EPB41L4B: variants seen among roughly 807,000 people sequenced by gnomAD.
The protein encoded by EPB41L4B is band 4.1-like protein 4B.
A neutral mutation model predicts 112.5 loss-of-function variants in EPB41L4B; 30 were observed. The ratio of observed to expected loss-of-function variants is 0.27; its 90% confidence interval spans 0.20 to 0.36. EPB41L4B has a LOEUF of 0.36. Ranked by LOEUF, EPB41L4B falls within the 10% of genes least tolerant of loss-of-function variation. EPB41L4B has a pLI of 1.00. For synonymous variants in EPB41L4B, 408 were observed against 439.7 expected, an observed-to-expected ratio of 0.93 and a Z score of 0.90; for missense variants, 1,024 against 1,133.3, an observed-to-expected ratio of 0.90 and a Z score of 1.38.
intron 17 of EPB41L4B, among the ~76,000 whole-genome samples, chr9:109,210,393 C>T (rs1833125070): frequency 6.6e-6 from 1 of 152,176 alleles, no homozygotes; most frequent in Non-Finnish European, 1.5e-5. Flanking sequence ...GAATGGTATA[C>T]TGGCATACAG....
Position 109,203,629 on chromosome 9 carries a change from T to C in EPB41L4B, c.1946+34A>G, listed in dbSNP as rs142190955. On this transcript the variant is annotated intron_variant, in intron 19 of 25. Transcript: ENST00000374566. ...AGGATAATGTTGATGATACAGAGAA[T>C]ATCATTTCCCCATTCAGACAAGGAG... The C allele has an allele frequency of 3.8e-3, 5,750 of 1,516,706 alleles. 14 individuals carry two copies. Among genetic ancestry groups the C allele is most frequent in the Middle Eastern group, 7.5e-3 (44 of 5,900 alleles). 94.0% of individuals were successfully genotyped at this position (1,516,706 alleles called of 1,614,324 possible).
intron 16 of EPB41L4B, among the ~76,000 whole-genome samples, chr9:109,216,000 T>C (rs1833353181): frequency 6.6e-6 from 1 of 152,194 alleles, no homozygotes; most frequent in African/African-American, 2.4e-5. Flanking sequence ...CTCTCTATTT[T>C]TGTAACTTCT....
Position 109,203,727 on chromosome 9 carries a change from C to CA in EPB41L4B, c.1881dup (p.Gly628TrpfsTer12). On this transcript the variant is annotated frameshift_variant, in exon 19 of 26. Transcript: ENST00000374566. LOFTEE classifies it high-confidence loss of function. ...TTTACAAACGGTGATTCCTCCTTTC[C>CA]ACCCTGTTAAAGAAAGCATTCAGGT... 6.2e-7 allele frequency: 1 copy of CA among 1,613,536 alleles called. No individual in the cohort carries two copies. The highest frequency in any genetic ancestry group is 8.5e-7 in the Non-Finnish European group (1 of 1,179,568).
At position 109,271,350 on chromosome 9, in the gene EPB41L4B, C is replaced by G. The variant is rs75458015; in HGVS notation, c.412-2917G>C. 9.5e-3 allele frequency among the ~76,000 whole-genome samples: 1,448 copies of G among 152,316 alleles called. 22 individuals carry two copies. The highest frequency in any genetic ancestry group is 0.033 in the African/African-American group (1,381 of 41,572). On this transcript the variant is annotated intron_variant, in intron 2 of 25. Coordinates refer to ENST00000374566, the MANE Select transcript of EPB41L4B (RefSeq NM_019114.5). ...CCGAGAATGGAATCAGAAACGGCTT[C>G]CTCATTTTAAAAGCTCCTTGACCCC...
intron 22 of EPB41L4B, among the ~76,000 whole-genome samples, chr9:109,190,944 G>A (rs889457364): frequency 6.6e-6 from 1 of 152,180 alleles, no homozygotes; most frequent in African/African-American, 2.4e-5. Flanking sequence ...AAGCCCCTCT[G>A]CAGCCCTCAT....
chr9:109,298,327 T>TTTC (rs398011825), intron 1 of EPB41L4B, among the ~76,000 whole-genome samples: 3 of 150,774 alleles, frequency 2.0e-5, no homozygotes, highest in Non-Finnish European at 3.0e-5. Context: ...TTTTTTTTTT[T>TTTC]CCCCAAGACA....
rs555217025 is a variant in EPB41L4B, at chr9:109,246,932, T to C, written c.1344+824A>G. 2.5e-3 allele frequency among the ~76,000 whole-genome samples: 388 copies of C among 152,330 alleles called. 1 individual carries two copies. The highest frequency in any genetic ancestry group is 4.1e-3 in the Non-Finnish European group (279 of 68,026). ...CTATTCGTGTTAATGAGTTCACCAC[T>C]ACCAAAAAATGGTAGGGGTTGAGGC... is the stretch of plus-strand genomic sequence containing the variant. On this transcript the variant is annotated intron_variant, in intron 14 of 25. Coordinates refer to ENST00000374566, the MANE Select transcript of EPB41L4B (RefSeq NM_019114.5).
chr9:109,306,530 T>A (rs1012597105), intron 1 of EPB41L4B, among the ~76,000 whole-genome samples: 3 of 152,274 alleles, frequency 2.0e-5, no homozygotes, highest in Non-Finnish European at 4.4e-5. Flanking sequence ...GGAGGATAGC[T>A]TGAACCTGGG....
chr9:109,192,440 A>T, intron 21 of EPB41L4B, 85 bp from the exon 22 acceptor site: 1 of 986,266 alleles, frequency 1.0e-6, no homozygotes, highest in Non-Finnish European at 1.5e-6. Context: ...AGAGGTTCCC[A>T]GCCTCTCCTC....
chr9:109,268,364 T>C (rs1220867098), intron 3 of EPB41L4B, 27 bp downstream of exon 3: 2 of 1,605,450 alleles, frequency 1.2e-6, no homozygotes, highest in Non-Finnish European at 1.7e-6. Flanking sequence ...AAAAAATAAA[T>C]GAGTGAGCTA....
At chr9:109,241,569 C>T (rs556769213) in intron 15 of EPB41L4B, 979 of 1,572,422 alleles carry the variant, frequency 6.2e-4, no homozygotes, top group Middle Eastern at 3.0e-3. Flanking sequence ...TAAAGACACT[C>T]GTCCAAACAC....
intron 15 of EPB41L4B, among the ~76,000 whole-genome samples, chr9:109,238,433 G>T (rs1360218233): frequency 2.6e-5 from 4 of 152,174 alleles, no homozygotes; most frequent in Non-Finnish European, 4.4e-5. Context: ...GACCAGCCCA[G>T]AGATGATGTA....
intron 1 of EPB41L4B, among the ~76,000 whole-genome samples, chr9:109,317,392 C>T (rs568617602): frequency 1.2e-4 from 18 of 152,270 alleles, no homozygotes; most frequent in Admixed American, 1.1e-3. Flanking sequence ...ATAAAAGAAA[C>T]GTGTTTTCAC....
chr9:109,316,000 G>C (rs934531177), intron 1 of EPB41L4B, among the ~76,000 whole-genome samples: 2 of 152,022 alleles, frequency 1.3e-5, no homozygotes, highest in African/African-American at 4.8e-5. Context: ...AGAGGAAGGA[G>C]AGGTTTCTAA....
intron 15 of EPB41L4B, among the ~76,000 whole-genome samples, chr9:109,225,360 G>A (rs1282440574): frequency 2.6e-5 from 4 of 152,216 alleles, no homozygotes; most frequent in Non-Finnish European, 4.4e-5. Context: ...AGACATACCC[G>A]AGACTGGGCA....
chr9:109,189,018 C>A (rs901857971), intron 22 of EPB41L4B, among the ~76,000 whole-genome samples: 3 of 152,286 alleles, frequency 2.0e-5, no homozygotes, highest in African/African-American at 7.2e-5. Context: ...GTACCCTCCC[C>A]CAACTCCCCT....
At chr9:109,223,182 G>A (rs1342025624) in intron 15 of EPB41L4B, among the ~76,000 whole-genome samples, 1 of 152,176 alleles carries the variant, frequency 6.6e-6, no homozygotes, top group Non-Finnish European at 1.5e-5. Context: ...GTTCACACCT[G>A]TACTTCCAGC....
At chr9:109,240,776 G>A in intron 15 of EPB41L4B, 1 of 985,450 alleles carries the variant, frequency 1.0e-6, no homozygotes, top group Non-Finnish European at 1.2e-6. Flanking sequence ...TAAGAGTGAA[G>A]TCTAGGGTAA....
At chr9:109,265,799 C>T (rs960323942) in intron 4 of EPB41L4B, among the ~76,000 whole-genome samples, 1 of 152,202 alleles carries the variant, frequency 6.6e-6, no homozygotes, top group South Asian at 2.1e-4. Flanking sequence ...TGCTCCCTAC[C>T]TACGGAAACA....
Sources: gnomAD v4.1 joint callset for allele counts (sites outside exome capture counted in the v4.1 genomes callset) on GRCh38, gnomAD v4.1.1 for gene constraint, MANE v1.5 for transcripts, NCBI Gene and HGNC (gene_info 2026-07-23, HGNC 2026-07-21) for gene names.